Variants in OFD1 observed in about 807,000 individuals in gnomAD.
The protein encoded by OFD1 is OFD1 centriole and centriolar satellite protein.
In OFD1, 12 loss-of-function variants were observed where a neutral mutation model predicts 81.4. The ratio of observed to expected loss-of-function variants is 0.15; its 90% CI spans 0.09 to 0.24. The LOEUF (loss-of-function observed/expected upper bound fraction) is 0.24. Among genes scored for constraint, OFD1 ranks in the 10% least tolerant of loss-of-function variants. The pLI, the probability that OFD1 is intolerant of heterozygous loss-of-function variation, is 1.00. For missense variants in OFD1, 685 were observed against 733.9 expected, an observed-to-expected ratio of 0.93 and a Z score of 0.77; for synonymous variants, 256 against 263.7, an observed-to-expected ratio of 0.97 and a Z score of 0.28.
intron 16 of OFD1, 88 bp downstream of exon 16, chrX:13,760,808 GGCC>G: frequency 9.1e-7 from 1 of 1,094,901 alleles, no homozygotes; most frequent in Non-Finnish European, 1.3e-6. Context: ...AGGGTCAGCG[GGCC>G]AGAGTGGCAA....
chrX:13,761,764 A>G (rs1405709539), intron 17 of OFD1, among the ~76,000 whole-genome samples: 1 of 111,372 alleles, frequency 9.0e-6, no homozygotes, highest in Non-Finnish European at 1.9e-5. Context: ...CAGCCAGGCT[A>G]TGATTTGAGT....
At chrX:13,730,374 C>G (rs1003050079), upstream of OFD1, among the ~76,000 whole-genome samples, 2 of 112,210 alleles carry the variant, frequency 1.8e-5, no homozygotes, top group African/African-American at 6.5e-5. Flanking sequence ...GAGATACCAT[C>G]TCACGCCAGT....
intron 3 of OFD1, 29 bp downstream of exon 3, chrX:13,736,707 G>C: frequency 9.0e-7 from 1 of 1,113,757 alleles, no homozygotes; most frequent in Non-Finnish European, 1.2e-6. Flanking sequence ...TGTTTCTGAA[G>C]TTTTTATTAA....
the OFD1 span, among the ~76,000 whole-genome samples, chrX:13,723,421 G>A: frequency 2.7e-5 from 3 of 111,239 alleles, no homozygotes; most frequent in Non-Finnish European, 5.7e-5. Flanking sequence ...GCCCACCTTG[G>A]CCTCCCAAAG....
At chrX:13,761,422 A>G (rs2047926570) in intron 17 of OFD1, among the ~76,000 whole-genome samples, 1 of 111,659 alleles carries the variant, frequency 9.0e-6, no homozygotes. Flanking sequence ...TTAGCAAATA[A>G]GTGGATAATG....
Position 13,761,080 on chromosome X carries a change from C to A in OFD1, c.2261-5C>A. 2 of 1,211,234 alleles carry A rather than the reference C, an allele frequency of 1.7e-6. No individual in the cohort carries two copies. The highest frequency in any genetic ancestry group is 2.2e-6 in the Non-Finnish European group (2 of 895,278). ...ATTCTTGCCTTGGTTCTTTCTGCAC[C>A]TTAGGTCTGGGCAGATCACACATTG... On this transcript the variant is annotated splice_polypyrimidine_tract_variant and splice_region_variant and intron_variant, in intron 16 of 22. Coordinates refer to ENST00000340096, the MANE Select transcript of OFD1 (RefSeq NM_003611.3).
chrX:13,738,833 AT>A lies in OFD1; in HGVS notation c.313-7del. 1 of 1,052,623 alleles carries A rather than the reference AT, an allele frequency of 9.5e-7. No homozygotes were observed. Among genetic ancestry groups the A allele is most frequent in the Non-Finnish European group, 1.3e-6 (1 of 754,420 alleles). 86.7% of individuals were successfully genotyped at this position (1,052,623 alleles called of 1,213,427 possible). A position where few individuals can be genotyped will look rare whatever the true frequency, so the allele number is the denominator to read the frequency against. ...TAAAAATATGTCTACTTAGTAACCT[AT>A]TTTTTCTTAAGGTATTTACTATGCA... is the stretch of plus-strand genomic sequence containing the variant. On this transcript the variant is annotated splice_polypyrimidine_tract_variant and intron_variant, in intron 3 of 22. Transcript: ENST00000340096.
chrX:13,773,310 C>CTT (rs11305581), downstream of OFD1: 54 of 133,881 alleles, frequency 4.0e-4, no homozygotes, highest in Non-Finnish European at 5.8e-4. Flanking sequence ...CGAGAGGGTG[C>CTT]TTTTTTTTTT....
downstream of OFD1, among the ~76,000 whole-genome samples, chrX:13,770,703 TCTTA>T (rs1214632708): frequency 3.6e-5 from 4 of 112,344 alleles, no homozygotes; most frequent in African/African-American, 9.7e-5. Context: ...TCAGAAAAAT[TCTTA>T]CTTTATAGAG....
chrX:13,766,638 G>A (rs764598672), intron 19 of OFD1, among the ~76,000 whole-genome samples: 4 of 111,172 alleles, frequency 3.6e-5, no homozygotes, highest in Non-Finnish European at 5.7e-5. Flanking sequence ...CTGGAATGGC[G>A]GGGGGAGGGC....
chrX:13,738,970 C>T (rs773333782), intron 4 of OFD1, 32 bp from the exon 5 acceptor site: 2 of 1,187,525 alleles, frequency 1.7e-6, no homozygotes, highest in Non-Finnish European at 1.1e-6. Flanking sequence ...AACTGAATAG[C>T]TGAATAAAAG....
intron 13 of OFD1, 78 bp downstream of exon 13, chrX:13,756,845 A>G: frequency 1.3e-6 from 1 of 792,713 alleles, no homozygotes; most frequent in Non-Finnish European, 1.9e-6. Context: ...TATGCTTTGT[A>G]CTTGTATAAG....
chrX:13,757,334 G>A (rs2047747475), intron 13 of OFD1, among the ~76,000 whole-genome samples: 1 of 112,053 alleles, frequency 8.9e-6, no homozygotes, highest in South Asian at 3.7e-4. Context: ...GTCATCAACA[G>A]GTAGACCAGA....
upstream of OFD1, chrX:13,734,136 G>A: frequency 2.0e-6 from 1 of 509,841 alleles, no homozygotes; most frequent in East Asian, 3.6e-5. Context: ...AGGACATCTG[G>A]CAATATCTGG....
chrX:13,771,283 C>T (rs1051327275), downstream of OFD1: 2 of 111,135 alleles, frequency 1.8e-5, no homozygotes, highest in Non-Finnish European at 3.8e-5. Flanking sequence ...CTGACAGCAC[C>T]TCCACTGCTG....
Position 13,756,686 on chromosome X carries a change from A to C in OFD1, c.1330A>C (p.Lys444Gln). The C allele has an allele frequency of 8.3e-7, 1 of 1,206,442 alleles. No individual in the cohort carries two copies. The highest frequency in any genetic ancestry group is 1.1e-6 in the Non-Finnish European group (1 of 890,672). ...MSDYSLLKEEKLELLAQNKLL... is the reference protein window; with the variant it reads ...MSDYSLLKEEQLELLAQNKLL... ...TGATTATTCACTACTAAAAGAAGAGAAACTGGAGCTTCTGGCACAAAATAA... is the reference window on the plus strand; with the variant it reads ...TGATTATTCACTACTAAAAGAAGAGCAACTGGAGCTTCTGGCACAAAATAA... Residue 444 changes from lysine (K) to glutamine (Q), a missense_variant, in exon 13 of 23, where the codon AAA becomes CAA. By Grantham distance (53) the Lys-to-Gln change is moderately conservative (BLOSUM62 1). Around this residue, in one of 3 missense-constraint regions of OFD1, gnomAD observed 414 missense variants for 447.2 expected, o/e 0.93. Transcript: ENST00000340096.
chrX:13,746,725 C>G, intron 7 of OFD1, 55 bp from the exon 8 acceptor site: 1 of 951,096 alleles, frequency 1.1e-6, no homozygotes, highest in Non-Finnish European at 1.5e-6. Flanking sequence ...AGAACTTGTT[C>G]CTGTTTTTAT....
At chrX:13,734,587 GA>G, upstream of OFD1, 1 of 652,517 alleles carries the variant, frequency 1.5e-6, no homozygotes, top group Non-Finnish European at 1.9e-6. Context: ...CCCGCGCCCC[GA>G]ACCTGTAGCC....
intron 15 of OFD1, 118 bp downstream of exon 15, chrX:13,758,566 A>G: frequency 4.2e-6 from 2 of 475,702 alleles, no homozygotes; most frequent in South Asian, 6.3e-5. Context: ...AAAGCCATAG[A>G]AATATGTGTC....
Sources: gnomAD v4.1 joint callset for allele counts (sites outside exome capture counted in the v4.1 genomes callset) on GRCh38, gnomAD v4.1.1 for gene constraint, gnomAD v4.1.1 regional missense constraint, MANE v1.5 for transcripts, NCBI Gene and HGNC (gene_info 2026-07-23, HGNC 2026-07-21) for gene names.